FBLN2: variants seen among roughly 807,000 people sequenced by gnomAD.
FBLN2 encodes the protein fibulin 2.
FBLN2 carries 81 observed loss-of-function variants against 123.7 expected under a neutral mutation model. The observed-to-expected ratio is 0.65, with a 90% CI of 0.55 to 0.79. FBLN2 has a LOEUF of 0.79. Ranked by LOEUF, FBLN2 falls within the 30% of genes least tolerant of loss-of-function variation. The pLI is 0.00. For missense variants in FBLN2, 1,603 were observed against 1,681.3 expected (o/e 0.95, Z 0.81); for synonymous variants, 699 against 701.4 (o/e 1.00, Z 0.05).
At chr3:13,589,541 A>G (rs1350046616) in intron 2 of FBLN2, among the ~76,000 whole-genome samples, 10 of 152,156 alleles carry the variant, frequency 6.6e-5, no homozygotes, top group African/African-American at 2.4e-4. Flanking sequence ...TTGAGGGGGA[A>G]GGGGGCTCAG....
At chr3:13,617,930 C>A in intron 5 of FBLN2, 146 bp from the exon 6 acceptor site, 7 of 631,120 alleles carry the variant, frequency 1.1e-5, no homozygotes, top group East Asian at 2.8e-5. Context: ...ACCCACCCAT[C>A]CATCCATCCT....
chr3:13,553,214 C>G (rs771875832), intron 1 of FBLN2, among the ~76,000 whole-genome samples: 1 of 152,162 alleles, frequency 6.6e-6, no homozygotes, highest in African/African-American at 2.4e-5. Context: ...TCCTGGTCTG[C>G]GAGCGAGCAA....
intron 2 of FBLN2, among the ~76,000 whole-genome samples, chr3:13,589,829 T>G (rs1704614409): frequency 6.6e-6 from 1 of 152,232 alleles, no homozygotes; most frequent in Non-Finnish European, 1.5e-5. Flanking sequence ...GATTAGATAT[T>G]TGGTTTATTT....
chr3:13,569,990 G>A (rs1277474545), intron 1 of FBLN2, among the ~76,000 whole-genome samples: 4 of 152,188 alleles, frequency 2.6e-5, no homozygotes, highest in East Asian at 1.9e-4. Context: ...GTGTGTGTGT[G>A]GGCACGAGGG....
chr3:13,587,581 G>C (rs558169786), intron 2 of FBLN2, among the ~76,000 whole-genome samples: 5 of 152,174 alleles, frequency 3.3e-5, no homozygotes, highest in Admixed American at 3.3e-4. Flanking sequence ...CTCAGCAGGC[G>C]CTCTTAAAAT....
Position 13,637,603 on chromosome 3 carries a change from A to G in FBLN2, c.3380A>G (p.Gln1127Arg). 6.2e-7 allele frequency: 1 copy of G among 1,612,992 alleles called. No homozygotes were observed. The highest frequency in any genetic ancestry group is 8.5e-7 in the Non-Finnish European group (1 of 1,179,194). ...ACGTGCCATGACTTCCTGGAGTGCC[A>G]GAACTCGCCAGCGCGCATCACGCAC... ...RTTCHDFLEC[Q>R]NSPARITHYQ... The change falls in exon 18 of 18, where the codon CAG becomes CGG. Residue 1127 changes from glutamine to arginine, a missense_variant. Physicochemically the swap from Gln to Arg is conservative, Grantham distance 43 (BLOSUM62 1). Transcript: ENST00000404922.
intron 5 of FBLN2, among the ~76,000 whole-genome samples, chr3:13,617,475 TACTC>T (rs540754460): frequency 1.4e-3 from 190 of 139,646 alleles, no homozygotes; most frequent in Middle Eastern, 4.2e-3. Flanking sequence ...TTCAGCCAAA[TACTC>T]ATTCATCCGT....
chr3:13,557,058 G>T (rs1035556763), intron 1 of FBLN2, among the ~76,000 whole-genome samples: 7 of 152,274 alleles, frequency 4.6e-5, no homozygotes, highest in Admixed American at 4.6e-4. Context: ...TTCTTCCTCT[G>T]CAGGTGGTCT....
At chr3:13,568,997 C>T in intron 1 of FBLN2, 2 of 985,860 alleles carry the variant, frequency 2.0e-6, no homozygotes, top group Non-Finnish European at 2.4e-6. Context: ...CTGTCACTGC[C>T]CTATGGGGCT....
intron 2 of FBLN2, among the ~76,000 whole-genome samples, chr3:13,600,046 C>T (rs35495501): frequency 3.1e-5 from 4 of 128,156 alleles, no homozygotes; most frequent in South Asian, 2.6e-4. Context: ...AGAGAGAGAG[C>T]GAGAGAGAGA....
At chr3:13,555,749 C>T (rs1288134669) in intron 1 of FBLN2, among the ~76,000 whole-genome samples, 2 of 152,238 alleles carry the variant, frequency 1.3e-5, no homozygotes, top group Admixed American at 6.5e-5. Flanking sequence ...CCACTGTGCC[C>T]AGCACCCTGG....
chr3:13,637,831 T>C lies in FBLN2; in HGVS notation c.3608T>C (p.Leu1203Pro). ...GTGCTGGAGCCCCGGGACTTTGCCC[T>C]GGACGTGGAGATGAAGCTCTGGAGG... ...RAVLEPRDFA[L>P]DVEMKLWRQG... The change falls in exon 18 of 18, where the codon CTG becomes CCG. Residue 1203 changes from leucine to proline, a missense_variant. Physicochemically the swap from Leu to Pro is moderately conservative, Grantham distance 98. Transcript: ENST00000404922. 2 of 1,613,586 alleles carry C rather than the reference T, an allele frequency of 1.2e-6. No homozygotes were observed. Among genetic ancestry groups the C allele is most frequent in the Non-Finnish European group, 1.7e-6 (2 of 1,179,610 alleles).
At chr3:13,598,012 C>T (rs1333230276) in intron 2 of FBLN2, among the ~76,000 whole-genome samples, 26 of 152,230 alleles carry the variant, frequency 1.7e-4, no homozygotes, top group Non-Finnish European at 7.3e-5. Context: ...GAAGGCATTG[C>T]TCCCCCTCGG....
intron 2 of FBLN2, among the ~76,000 whole-genome samples, chr3:13,606,015 C>G (rs192550910): frequency 2.0e-5 from 3 of 152,226 alleles, no homozygotes; most frequent in East Asian, 1.9e-4. Context: ...CTCCAACCCC[C>G]CTCCCCATCC....
chr3:13,633,994 C>CACACACACACACACACACACACACACAG (rs1486654741), intron 16 of FBLN2, among the ~76,000 whole-genome samples: 1 of 150,582 alleles, frequency 6.6e-6, no homozygotes, highest in Non-Finnish European at 1.5e-5. Context: ...CACACACACA[C>CACACACACACACACACACACACACACAG]AGCTGAAAGT....
At chr3:13,620,088 GCT>G (rs749543040) in intron 8 of FBLN2, among the ~76,000 whole-genome samples, 2 of 152,152 alleles carry the variant, frequency 1.3e-5, no homozygotes, top group Non-Finnish European at 2.9e-5. Context: ...ACATGGTGTC[GCT>G]CCGCATTTCC....
intron 1 of FBLN2, among the ~76,000 whole-genome samples, chr3:13,556,857 G>A (rs1205392768): frequency 6.6e-6 from 1 of 152,190 alleles, no homozygotes; most frequent in East Asian, 1.9e-4. Context: ...CTATTCAGGA[G>A]ACGTAGGGGC....
intron 2 of FBLN2, among the ~76,000 whole-genome samples, chr3:13,607,143 G>A (rs557744170): frequency 4.0e-5 from 6 of 151,866 alleles, no homozygotes; most frequent in South Asian, 2.1e-4. Context: ...GCCTGCCACC[G>A]TGCCTGGCTA....
At chr3:13,578,768 C>T (rs1319103608) in intron 2 of FBLN2, among the ~76,000 whole-genome samples, 2 of 152,170 alleles carry the variant, frequency 1.3e-5, no homozygotes, top group Admixed American at 1.3e-4. Context: ...GAACTACCAG[C>T]CTGAGGCCGG....
Sources: gnomAD v4.1 joint callset for allele counts (sites outside exome capture counted in the v4.1 genomes callset) on GRCh38, gnomAD v4.1.1 for gene constraint, MANE v1.5 for transcripts, NCBI Gene and HGNC (gene_info 2026-07-23, HGNC 2026-07-21) for gene names.